Variants in MEGF6 observed in about 807,000 individuals in gnomAD.
MEGF6 encodes multiple EGF like domains 6, also known as multiple epidermal growth factor-like domains protein 6.
Under a neutral mutation model 207.1 loss-of-function variants are expected in MEGF6, and 184 were observed. That is an observed-to-expected ratio of 0.89 (90% CI 0.79 to 1.00). The LOEUF (loss-of-function observed/expected upper bound fraction) is 1.00, where lower values mean the gene tolerates loss of function less well. Among genes scored for constraint, MEGF6 ranks in the 50% least tolerant of loss-of-function variants. The pLI, the probability that MEGF6 is intolerant of heterozygous loss-of-function variation, is 0.00. For synonymous variants in MEGF6, 1,038 were observed against 910.0 expected, an observed-to-expected ratio of 1.14 and a Z score of -2.53; for missense variants, 2,282 against 2,202.9, an observed-to-expected ratio of 1.04 and a Z score of -0.72.
chr1:3,517,226 G>A lies in MEGF6; in HGVS notation c.605-1699C>T, dbSNP rs1438924374. Among the ~76,000 whole-genome samples the A allele has an allele frequency of 3.3e-5, 5 of 152,352 alleles. 1 individual carries two copies. In the East Asian group the frequency reaches 9.7e-4, roughly 29 times the overall value. Reference sequence around the variant, plus strand: ...ACAGAGCCCATGGCAGGGAAGCTGGGCCGTCAGGATCCAGGCGCCACAAGG... The same window carrying A: ...ACAGAGCCCATGGCAGGGAAGCTGGACCGTCAGGATCCAGGCGCCACAAGG... On this transcript the variant is annotated intron_variant, in intron 5 of 36. Coordinates refer to ENST00000356575, the MANE Select transcript of MEGF6 (RefSeq NM_001409.4).
chr1:3,615,978 T>C (rs574002897), upstream of MEGF6, among the ~76,000 whole-genome samples: 4 of 152,348 alleles, frequency 2.6e-5, no homozygotes, highest in East Asian at 7.7e-4. Context: ...TGAAAAGCAT[T>C]ACTAAAAGAC....
chr1:3,594,911 G>A lies in MEGF6; in HGVS notation c.376+427C>T, dbSNP rs530104551. ...GAAGCTGAGGCCCGCCACCCGGCCC[G>A]GATTGGCCTTGGGAGAACACGGTAT... On this transcript the variant is annotated intron_variant, in intron 3 of 36. Coordinates refer to ENST00000356575, the MANE Select transcript of MEGF6 (RefSeq NM_001409.4). The surrounding 1 kb of genome is among the most constrained non-coding windows in gnomAD (Gnocchi z 4.2). Among the ~76,000 whole-genome samples, 2 of 151,538 alleles carry A rather than the reference G, an allele frequency of 1.3e-5. No individual in the cohort carries two copies. The highest frequency in any genetic ancestry group is 6.6e-5 in the Admixed American group (1 of 15,244).
intron 2 of MEGF6, among the ~76,000 whole-genome samples, chr1:3,601,207 A>C (rs925929681): frequency 6.6e-6 from 1 of 152,154 alleles, no homozygotes; most frequent in Admixed American, 6.5e-5. Context: ...GGCCACCAGC[A>C]CTCTCTCCAG....
chr1:3,525,036 T>A (rs1443240066), intron 4 of MEGF6, among the ~76,000 whole-genome samples: 1 of 152,108 alleles, frequency 6.6e-6, no homozygotes, highest in African/African-American at 2.4e-5. Flanking sequence ...CAGAAGAAAC[T>A]TCTATAGTTT....
At chr1:3,502,199 T>G (rs1234860573) in intron 17 of MEGF6, among the ~76,000 whole-genome samples, 1 of 132,860 alleles carries the variant, frequency 7.5e-6, no homozygotes, top group African/African-American at 2.9e-5. Context: ...AAGGGAGGAG[T>G]GAAAGGGGAG....
intron 4 of MEGF6, among the ~76,000 whole-genome samples, chr1:3,547,594 C>A (rs991958233): frequency 5.9e-5 from 9 of 152,196 alleles, no homozygotes; most frequent in Non-Finnish European, 1.2e-4. Context: ...CCCCTCCCGC[C>A]TTCGGACAGC....
intron 4 of MEGF6, among the ~76,000 whole-genome samples, chr1:3,553,424 C>T (rs774806687): frequency 2.6e-5 from 4 of 152,158 alleles, no homozygotes; most frequent in African/African-American, 4.8e-5. Context: ...CCCCCACCAG[C>T]CCCAGGAGGA....
In MEGF6 at chr1:3,535,965, G is replaced by A. The variant is rs375716381; in HGVS notation, c.482-11719C>T. The stretch of plus-strand genomic sequence containing the variant: ...CATGGCAGGCGCCAGGCAGACTGTC[G>A]GGCAGGGCTCAGTGCTGCAACTCTC... On this transcript the variant is annotated intron_variant, in intron 4 of 36. Coordinates refer to ENST00000356575, the MANE Select transcript of MEGF6 (RefSeq NM_001409.4). Among the ~76,000 whole-genome samples the A allele has an allele frequency of 1.1e-3, 164 of 152,270 alleles. 2 individuals are homozygous for A. Among genetic ancestry groups the A allele is most frequent in the African/African-American group, 3.6e-3 (151 of 41,544 alleles).
intron 4 of MEGF6, among the ~76,000 whole-genome samples, chr1:3,539,962 G>C (rs1168946393): frequency 6.6e-6 from 1 of 152,082 alleles, no homozygotes; most frequent in Admixed American, 6.6e-5. Context: ...GTCCAGCATC[G>C]AGGCTGGGAT....
Position 3,528,384 on chromosome 1 carries a change from C to T in MEGF6, c.482-4138G>A, listed in dbSNP as rs189372013. 4.0e-3 allele frequency among the ~76,000 whole-genome samples: 609 copies of T among 152,308 alleles called. 2 individuals are homozygous for T. Among genetic ancestry groups the T allele is most frequent in the African/African-American group, 0.014 (583 of 41,576 alleles). ...TCCAAGGACCCCGCAGGTGCTGAGCCGGTGACCCTGGCTGCGGCTGTGATC... is the reference window on the plus strand; with the variant it reads ...TCCAAGGACCCCGCAGGTGCTGAGCTGGTGACCCTGGCTGCGGCTGTGATC... On this transcript the variant is annotated intron_variant, in intron 4 of 36. Transcript: ENST00000356575.
At position 3,501,846 on chromosome 1, in the gene MEGF6, G is replaced by A. The variant is rs746929142; in HGVS notation, c.2264C>T (p.Thr755Met). 14 of 1,607,960 alleles carry A rather than the reference G, an allele frequency of 8.7e-6. No homozygotes were observed. Among genetic ancestry groups the A allele is most frequent in the East Asian group, 2.2e-5 (1 of 44,772 alleles). Residue 755 changes from threonine to methionine, a missense_variant, in exon 18 of 37, where the codon ACG becomes ATG. Coordinates refer to ENST00000356575, the MANE Select transcript of MEGF6 (RefSeq NM_001409.4). ...CCCCGGCGGACACCGGCACTGCCCC[G>A]TGACCCCGTGGCAGGGGGCCCCCCC... Reference protein sequence around the residue: ...SCGGAPCHGVTGQCRCPPGRT... With the variant: ...SCGGAPCHGVMGQCRCPPGRT...
Position 3,509,072 on chromosome 1 carries a change from C to A in MEGF6, c.1528+3G>T. The stretch of plus-strand genomic sequence containing the variant: ...AGCCCCCGGGGGCTGGGCCCGCGCT[C>A]ACCAAACTTCTCTGTGAGCGTGTGT... On this transcript the variant is annotated splice_donor_region_variant and intron_variant, in intron 12 of 36. Coordinates refer to ENST00000356575, the MANE Select transcript of MEGF6 (RefSeq NM_001409.4). 1 of 1,583,800 alleles carries A rather than the reference C, an allele frequency of 6.3e-7. No individual in the cohort carries two copies. Among genetic ancestry groups the A allele is most frequent in the Non-Finnish European group, 8.6e-7 (1 of 1,166,602 alleles).
rs1301170387 is a variant in MEGF6 at position 3,556,331 on chromosome 1, G to A, written c.481+23494C>T. ...TCTTGGCACAAAGACACCCCCATGA[G>A]CTCCCAGAGGTGACAACGTCACACT... On this transcript the variant is annotated intron_variant, in intron 4 of 36. Coordinates refer to ENST00000356575, the MANE Select transcript of MEGF6 (RefSeq NM_001409.4). This position sits in a 1 kb window ranked among gnomAD's most constrained non-coding sequence, Gnocchi z 4.4. Among the ~76,000 whole-genome samples the A allele has an allele frequency of 6.6e-6, 1 of 152,216 alleles. No homozygotes were observed. The highest frequency in any genetic ancestry group is 2.4e-5 in the African/African-American group (1 of 41,444).
rs1034311837 is a variant in MEGF6 at position 3,560,482 on chromosome 1, C to T, written c.481+19343G>A. On this transcript the variant is annotated intron_variant, in intron 4 of 36. Coordinates refer to ENST00000356575, the MANE Select transcript of MEGF6 (RefSeq NM_001409.4). The surrounding 1 kb of genome is among the most constrained non-coding windows in gnomAD (Gnocchi z 4.0). ...CACCCCTTCCTCCCTCCTTCCTCACCCCTGGCACCTCTGCTGTCTCTACGG... is the reference window on the plus strand; with the variant it reads ...CACCCCTTCCTCCCTCCTTCCTCACTCCTGGCACCTCTGCTGTCTCTACGG... Among the ~76,000 whole-genome samples the T allele has an allele frequency of 2.0e-5, 3 of 152,194 alleles. No homozygotes were observed. The highest frequency in any genetic ancestry group is 4.4e-5 in the Non-Finnish European group (3 of 68,030).
chr1:3,624,017 C>T, the MEGF6 span, among the ~76,000 whole-genome samples: 87 of 152,316 alleles, frequency 5.7e-4, no homozygotes, highest in Middle Eastern at 3.4e-3. Flanking sequence ...TCTAAACCGT[C>T]CATCTTTACA....
chr1:3,529,108 T>C lies in MEGF6; in HGVS notation c.482-4862A>G, dbSNP rs1007477534. Among the ~76,000 whole-genome samples the C allele has an allele frequency of 2.6e-5, 4 of 152,222 alleles. No individual in the cohort carries two copies. The South Asian group carries it at 8.3e-4, about 32-fold the overall frequency. ...CGGGAGCCGCGTGCCCTGCAGAAGC[T>C]TGCTCCCTGGGTTCCCTCCTTTGCA... On this transcript the variant is annotated intron_variant, in intron 4 of 36. Coordinates refer to ENST00000356575, the MANE Select transcript of MEGF6 (RefSeq NM_001409.4).
the MEGF6 span, among the ~76,000 whole-genome samples, chr1:3,618,432 A>T: frequency 6.6e-6 from 1 of 152,076 alleles, no homozygotes; most frequent in African/African-American, 2.4e-5. The surrounding 1 kb of genome is among the most constrained non-coding windows in gnomAD (Gnocchi z 4.7). Context: ...CCTGGGCCCC[A>T]CACGGCGAGG....
chr1:3,595,303 T>C lies in MEGF6; in HGVS notation c.376+35A>G, dbSNP rs1557805317. 3 of 1,432,544 alleles carry C rather than the reference T, an allele frequency of 2.1e-6. No individual in the cohort carries two copies. In the South Asian group the frequency reaches 3.5e-5, roughly 16 times the overall value. The allele number at this position is 1,432,544 out of a possible 1,614,324, so 88.7% of individuals were successfully genotyped here. ...TCTGCTGAGTCCTCTGGGGTGGAGG[T>C]GGAGGGAGGGCGGGGAGGCGCAGGC... On this transcript the variant is annotated intron_variant, in intron 3 of 36. Transcript: ENST00000356575.
chr1:3,545,409 G>A (rs370152112), intron 4 of MEGF6, among the ~76,000 whole-genome samples: 3 of 152,150 alleles, frequency 2.0e-5, no homozygotes, highest in African/African-American at 4.8e-5. Context: ...GCTGTCCCGC[G>A]CCTCCTGCGT....
Sources: allele counts gnomAD v4.1 joint callset (sites outside exome capture counted in the v4.1 genomes callset), GRCh38; gene constraint gnomAD v4.1.1; non-coding constraint Gnocchi (gnomAD v3.1); transcripts MANE v1.5; gene names NCBI Gene and HGNC (gene_info 2026-07-23, HGNC 2026-07-21).